The following SLC24A5 variants were observed in gnomAD, a reference collection of about 807,000 sequenced individuals.
The protein encoded by SLC24A5 is sodium/potassium/calcium exchanger 5.
A neutral mutation model predicts 51.6 loss-of-function variants in SLC24A5; 46 were observed. That is an observed-to-expected ratio of 0.89 (90% confidence interval 0.70 to 1.14). The LOEUF (loss-of-function observed/expected upper bound fraction) is 1.14. SLC24A5 is among the 50% of genes most tolerant of loss of function. The pLI is 0.00. For synonymous variants in SLC24A5, 230 were observed against 214.9 expected, an observed-to-expected ratio of 1.07 and a Z score of -0.62; for missense variants, 581 against 604.1, an observed-to-expected ratio of 0.96 and a Z score of 0.40.
intron 2 of SLC24A5, among the ~76,000 whole-genome samples, chr15:48,126,153 G>C (rs1364479999): frequency 6.6e-6 from 1 of 152,144 alleles, no homozygotes; most frequent in African/African-American, 2.4e-5. Context: ...TTCCAGCAAG[G>C]ATTTTTTTTC....
intron 6 of SLC24A5, chr15:48,138,020 CCT>C (rs778553284): frequency 1.3e-5 from 2 of 151,970 alleles, no homozygotes; most frequent in African/African-American, 2.4e-5. Context: ...GACTTTTCCC[CCT>C]TTTTACAAAA....
intron 2 of SLC24A5, among the ~76,000 whole-genome samples, chr15:48,131,401 T>C (rs561892302): frequency 8.5e-5 from 13 of 152,124 alleles, no homozygotes; most frequent in Non-Finnish European, 1.6e-4. Context: ...TCCTAAATGT[T>C]GGAGGTGGGG....
intron 2 of SLC24A5, 199 bp downstream of exon 2, chr15:48,122,235 C>T (rs774815180): frequency 1.1e-5 from 7 of 612,924 alleles, no homozygotes; most frequent in Non-Finnish European, 2.0e-5. Context: ...AGAGTTTCTT[C>T]AAGTTAGAAC....
At chr15:48,140,258 C>A (rs2039021622) in intron 7 of SLC24A5, 1 of 151,782 alleles carries the variant, frequency 6.6e-6, no homozygotes, top group Non-Finnish European at 1.5e-5. Flanking sequence ...TATTTATGCA[C>A]ATATGAATTC....
At chr15:48,131,938 T>C (rs1025885706) in intron 2 of SLC24A5, among the ~76,000 whole-genome samples, 2 of 152,076 alleles carry the variant, frequency 1.3e-5, no homozygotes, top group African/African-American at 4.8e-5. Flanking sequence ...TCAGACCAAA[T>C]TACCCCAAGG....
intron 2 of SLC24A5, among the ~76,000 whole-genome samples, chr15:48,125,777 G>A (rs905642877): frequency 2.6e-5 from 4 of 152,134 alleles, no homozygotes; most frequent in Admixed American, 6.5e-5. Context: ...AAGATCATGA[G>A]ATCATAATGT....
At chr15:48,121,441 A>C (rs1297937632) in intron 1 of SLC24A5, among the ~76,000 whole-genome samples, 1 of 152,196 alleles carries the variant, frequency 6.6e-6, no homozygotes, top group Non-Finnish European at 1.5e-5. Context: ...TCATCTTAGA[A>C]ATTCTCTCTG....
intron 8 of SLC24A5, 29 bp downstream of exon 8, chr15:48,141,243 G>A (rs761577296): frequency 1.7e-5 from 26 of 1,515,130 alleles, no homozygotes; most frequent in Non-Finnish European, 2.1e-5. Context: ...AAGCTGCAAT[G>A]GTCATTCTAC....
At position 48,134,557 on chromosome 15, in the gene SLC24A5, C is replaced by T; in HGVS notation, c.489+19C>T. 2 of 1,571,228 alleles carry T rather than the reference C, an allele frequency of 1.3e-6. No individual in the cohort carries two copies. Among genetic ancestry groups the T allele is most frequent in the Non-Finnish European group, 1.7e-6 (2 of 1,143,262 alleles). On this transcript the variant is annotated intron_variant, in intron 4 of 8. Transcript: ENST00000341459. ...TAATACGGTATGTAACAAAACCATT[C>T]AACAAAATGTATTGTCTTAAAAAAT...
Position 48,134,253 on chromosome 15 carries a change from T to A in SLC24A5, c.302-5T>A. 3 of 1,613,018 alleles carry A rather than the reference T, an allele frequency of 1.9e-6. No homozygotes were observed. The Admixed American group carries it at 5.0e-5, about 27-fold the overall frequency. On this transcript the variant is annotated splice_region_variant and splice_polypyrimidine_tract_variant and intron_variant, in intron 2 of 8. Transcript: ENST00000341459. Reference sequence around the variant, plus strand: ...AGGCATAACAATCATTTCATTTATGTTCAGCCCTTGGATTGTCTCAGGATG... The same window carrying A: ...AGGCATAACAATCATTTCATTTATGATCAGCCCTTGGATTGTCTCAGGATG...
In SLC24A5 at chr15:48,136,940, A is replaced by G; in HGVS notation, c.848A>G (p.His283Arg). ...SGYSQLSISLHGLSQVSEDPP... is the reference protein window; with the variant it reads ...SGYSQLSISLRGLSQVSEDPP... The stretch of plus-strand genomic sequence containing the variant: ...TACTCTCAGCTCTCTATAAGTTTAC[A>G]TGGCCTTAGTCAGGTTTCTGAAGGT... The change falls in exon 6 of 9, where the codon CAT becomes CGT. Residue 283 changes from histidine (H) to arginine (R), a missense_variant. By Grantham distance (29) the His-to-Arg change is conservative (BLOSUM62 0). Transcript: ENST00000341459. The G allele has an allele frequency of 6.2e-7, 1 of 1,612,950 alleles. No individual in the cohort carries two copies. The highest frequency in any genetic ancestry group is 8.5e-7 in the Non-Finnish European group (1 of 1,179,108).
Position 48,121,001 on chromosome 15 carries a change from TCTC to T in SLC24A5, c.-42_-40del. 1 of 1,598,074 alleles carries T rather than the reference TCTC, an allele frequency of 6.3e-7. No homozygotes were observed. Among genetic ancestry groups the T allele is most frequent in the Non-Finnish European group, 8.5e-7 (1 of 1,171,502 alleles). ...ACATGATCCAGTTTAATCCTCCTCT[TCTC>T]CCTTCCTGAAGCTGCACGCTGCAGT... On this transcript the variant is annotated 5_prime_UTR_variant, in exon 1 of 9. Coordinates refer to ENST00000341459, the MANE Select transcript of SLC24A5 (RefSeq NM_205850.3).
chr15:48,121,013 A>C lies in SLC24A5; in HGVS notation c.-32A>C. 6.2e-7 allele frequency: 1 copy of C among 1,607,284 alleles called. No individual in the cohort carries two copies. The highest frequency in any genetic ancestry group is 8.5e-7 in the Non-Finnish European group (1 of 1,176,424). ...TTAATCCTCCTCTTCTCCCTTCCTGAAGCTGCACGCTGCAGTAAGAGCACA... is the reference window on the plus strand; with the variant it reads ...TTAATCCTCCTCTTCTCCCTTCCTGCAGCTGCACGCTGCAGTAAGAGCACA... On this transcript the variant is annotated 5_prime_UTR_variant, in exon 1 of 9. Coordinates refer to ENST00000341459, the MANE Select transcript of SLC24A5 (RefSeq NM_205850.3).
At chr15:48,137,054 T>C in intron 6 of SLC24A5, 91 bp downstream of exon 6, 1 of 1,386,506 alleles carries the variant, frequency 7.2e-7, no homozygotes, top group Middle Eastern at 2.1e-4. Flanking sequence ...GTGTGCTTTT[T>C]ATGTAAAAAA....
chr15:48,133,768 A>C (rs1200487416), intron 2 of SLC24A5, among the ~76,000 whole-genome samples: 1 of 152,140 alleles, frequency 6.6e-6, no homozygotes, highest in Non-Finnish European at 1.5e-5. Flanking sequence ...CATATTCCGA[A>C]TAATATTTTA....
chr15:48,134,303 C>G lies in SLC24A5; in HGVS notation c.347C>G (p.Ala116Gly), dbSNP rs150379789. Reference protein sequence around the residue: ...QDVAGTTFMAAGSSAPELVTA... With the variant: ...QDVAGTTFMAGGSSAPELVTA... ...GTTGCAGGCACAACTTTCATGGCAG[C>G]GGGCAGTTCAGCTCCTGAATTAGTT... Residue 116 changes from alanine (A) to glycine (G), a missense_variant, in exon 3 of 9, where the codon GCG (alanine) becomes GGG (glycine). Coordinates refer to ENST00000341459, the MANE Select transcript of SLC24A5 (RefSeq NM_205850.3). The G allele has an allele frequency of 1.6e-4, 261 of 1,613,596 alleles. 1 individual carries two copies. The African/African-American group carries it at 3.3e-3, about 20-fold the overall frequency.
At chr15:48,132,977 C>T (rs1478160131) in intron 2 of SLC24A5, among the ~76,000 whole-genome samples, 2 of 152,020 alleles carry the variant, frequency 1.3e-5, no homozygotes, top group Non-Finnish European at 2.9e-5. Context: ...CAATCTGCCA[C>T]ACCAAGAAAC....
chr15:48,140,796 C>A, intron 7 of SLC24A5: 1 of 250,930 alleles, frequency 4.0e-6, no homozygotes. Context: ...AAATATTCAG[C>A]ACAGCCCTGA....
At chr15:48,131,642 CCAGA>C (rs1319831124) in intron 2 of SLC24A5, among the ~76,000 whole-genome samples, 2 of 152,134 alleles carry the variant, frequency 1.3e-5, no homozygotes, top group South Asian at 2.1e-4. Flanking sequence ...TTGAACTTTT[CCAGA>C]CAGAGGAATC....
Sources: allele counts gnomAD v4.1 joint callset (sites outside exome capture counted in the v4.1 genomes callset), GRCh38; gene constraint gnomAD v4.1.1; transcripts MANE v1.5; gene names NCBI Gene and HGNC (gene_info 2026-07-23, HGNC 2026-07-21).